SPMIP4: variants seen among roughly 807,000 people sequenced by gnomAD.
The protein encoded by SPMIP4 is sperm microtubule inner protein 4.
chr7:25,142,375 A>T, the SPMIP4 span: 1 of 1,386,184 alleles, frequency 7.2e-7, no homozygotes, highest in Non-Finnish European at 1.0e-6. Flanking sequence ...GGGTAAACGA[A>T]GAACGACAGT....
At chr7:25,149,664 G>A in the SPMIP4 span, among the ~76,000 whole-genome samples, 8 of 152,150 alleles carry the variant, frequency 5.3e-5, no homozygotes, top group South Asian at 2.1e-4. Context: ...TATGAAATAC[G>A]TGAAAAGTTA....
At chr7:25,135,462 G>A in the SPMIP4 span, 3 of 985,692 alleles carry the variant, frequency 3.0e-6, no homozygotes, top group Non-Finnish European at 3.6e-6. Flanking sequence ...AGTTTTTAGA[G>A]GTGTCCATCC....
the SPMIP4 span, among the ~76,000 whole-genome samples, chr7:25,152,098 T>C: frequency 6.6e-6 from 1 of 152,344 alleles, no homozygotes; most frequent in African/African-American, 2.4e-5. Flanking sequence ...GTACTTCACC[T>C]TTCTTCTTAA....
At chr7:25,170,939 T>A in the SPMIP4 span, among the ~76,000 whole-genome samples, 1 of 152,204 alleles carries the variant, frequency 6.6e-6, no homozygotes, top group African/African-American at 2.4e-5. Flanking sequence ...CAAAGAGTGG[T>A]CCCTAGACTA....
chr7:25,138,524 G>A, the SPMIP4 span, among the ~76,000 whole-genome samples: 19 of 152,116 alleles, frequency 1.2e-4, no homozygotes, highest in Admixed American at 3.3e-4. The surrounding 1 kb of genome is among the most constrained non-coding windows in gnomAD (Gnocchi z 6.2). Context: ...GAGCCACTGT[G>A]CCCAGCAACT....
the SPMIP4 span, chr7:25,158,661 A>G: frequency 1.5e-6 from 1 of 682,836 alleles, no homozygotes; most frequent in African/African-American, 1.8e-5. Context: ...GCACTTTGGG[A>G]GGCCAAGGTG....
At chr7:25,129,486 A>T in the SPMIP4 span, among the ~76,000 whole-genome samples, 1 of 152,138 alleles carries the variant, frequency 6.6e-6, no homozygotes, top group Admixed American at 6.5e-5. Flanking sequence ...TCTCTATGCC[A>T]TGTGGCCACT....
the SPMIP4 span, among the ~76,000 whole-genome samples, chr7:25,153,218 G>A: frequency 3.3e-5 from 5 of 152,256 alleles, no homozygotes; most frequent in African/African-American, 1.2e-4. Flanking sequence ...GGAAGAGCAG[G>A]AAATTAAGAT....
At chr7:25,155,743 A>G in the SPMIP4 span, among the ~76,000 whole-genome samples, 1 of 152,200 alleles carries the variant, frequency 6.6e-6, no homozygotes, top group Non-Finnish European at 1.5e-5. Flanking sequence ...AGCCAAAAAC[A>G]GCTAGCACAC....
the SPMIP4 span, among the ~76,000 whole-genome samples, chr7:25,159,348 T>C: frequency 2.0e-5 from 3 of 152,208 alleles, no homozygotes; most frequent in African/African-American, 7.2e-5. Flanking sequence ...GCATGCCTTT[T>C]CTGAAGCAGT....
chr7:25,142,674 G>T, the SPMIP4 span: 1 of 1,612,950 alleles, frequency 6.2e-7, no homozygotes, highest in Non-Finnish European at 8.5e-7. Flanking sequence ...TGAGCCAGTG[G>T]GACCTCTCAA....
chr7:25,165,793 G>A, the SPMIP4 span, among the ~76,000 whole-genome samples: 8 of 152,338 alleles, frequency 5.3e-5, no homozygotes, highest in African/African-American at 1.2e-4. Flanking sequence ...AGGTGATGCC[G>A]ATGTACCGTG....
At chr7:25,178,442 T>C in the SPMIP4 span, among the ~76,000 whole-genome samples, 1 of 152,222 alleles carries the variant, frequency 6.6e-6, no homozygotes, top group Non-Finnish European at 1.5e-5. Flanking sequence ...GTATAATTAA[T>C]GTGTTACAGG....
chr7:25,131,581 T>A, the SPMIP4 span, among the ~76,000 whole-genome samples: 8 of 152,184 alleles, frequency 5.3e-5, no homozygotes, highest in African/African-American at 1.7e-4. This position sits in a 1 kb window ranked among gnomAD's most constrained non-coding sequence, Gnocchi z 4.2. Context: ...GGAGGAGTGG[T>A]CCTTGCTCCC....
chr7:25,154,694 G>A, the SPMIP4 span, among the ~76,000 whole-genome samples: 16,663 of 152,056 alleles, frequency 0.11, 1,081 homozygotes, highest in East Asian at 0.26. Context: ...AAGCTAAACC[G>A]TGAGAGCAGG....
At chr7:25,171,493 A>T in the SPMIP4 span, among the ~76,000 whole-genome samples, 1 of 152,312 alleles carries the variant, frequency 6.6e-6, no homozygotes, top group South Asian at 2.1e-4. Flanking sequence ...CCTAATTAGG[A>T]AGGATTTAAT....
the SPMIP4 span, among the ~76,000 whole-genome samples, chr7:25,178,774 C>T: frequency 6.6e-6 from 1 of 152,070 alleles, no homozygotes; most frequent in Admixed American, 6.5e-5. Context: ...GCGCAGTGGT[C>T]ACGCCTGTAA....
chr7:25,171,773 A>C, the SPMIP4 span, among the ~76,000 whole-genome samples: 3 of 152,186 alleles, frequency 2.0e-5, no homozygotes, highest in Non-Finnish European at 4.4e-5. Context: ...CCAAGTGAGG[A>C]AACTAAAGGA....
At chr7:25,138,486 C>T in the SPMIP4 span, among the ~76,000 whole-genome samples, 2 of 152,278 alleles carry the variant, frequency 1.3e-5, no homozygotes, top group Admixed American at 6.5e-5. The surrounding 1 kb of genome is among the most constrained non-coding windows in gnomAD (Gnocchi z 6.2). Context: ...CTGCCTTTGC[C>T]TCCCAAAAAT....
Sources: gnomAD v4.1 joint callset for allele counts (sites outside exome capture counted in the v4.1 genomes callset) on GRCh38, gnomAD v4.1.1 for gene constraint, Gnocchi (gnomAD v3.1) non-coding constraint, MANE v1.5 for transcripts, NCBI Gene and HGNC (gene_info 2026-07-23, HGNC 2026-07-21) for gene names.